VKORC1L1: variants seen among roughly 807,000 people sequenced by gnomAD.
The protein encoded by VKORC1L1 is vitamin K epoxide reductase complex subunit 1-like protein 1.
In VKORC1L1, 2 loss-of-function variants were observed where a neutral mutation model predicts 18.9. That is an observed-to-expected ratio of 0.11 (90% CI 0.04 to 0.33). The LOEUF (loss-of-function observed/expected upper bound fraction) is 0.33, where lower values mean the gene tolerates loss of function less well. VKORC1L1 is among the 10% of genes least tolerant of loss of function. The pLI is 1.00. For missense variants in VKORC1L1, 123 were observed against 224.1 expected (o/e 0.55, Z 2.88); for synonymous variants, 96 against 100.0 (o/e 0.96, Z 0.24).
rs1196079484 is a variant in VKORC1L1 at position 65,873,483 on chromosome 7, C to A, written c.112C>A (p.Arg38=). 6 of 1,595,934 alleles carry A rather than the reference C, an allele frequency of 3.8e-6. No homozygotes were observed. The highest frequency in any genetic ancestry group is 1.7e-5 in the Admixed American group (1 of 59,130). ...LLSIYAYHVE[R]EKERDPEHRA... Reference sequence around the variant, plus strand: ...CTCCATCTACGCCTACCACGTGGAGCGGGAGAAGGAGCGGGACCCCGAGCA... The same window carrying A: ...CTCCATCTACGCCTACCACGTGGAGAGGGAGAAGGAGCGGGACCCCGAGCA... Residue 38 remains arginine, a synonymous_variant, in exon 1 of 3, where the codon CGG becomes AGG. Coordinates refer to ENST00000360768, the MANE Select transcript of VKORC1L1 (RefSeq NM_173517.6).
chr7:65,892,960 T>G (rs1444823552), intron 1 of VKORC1L1, among the ~76,000 whole-genome samples: 10 of 152,204 alleles, frequency 6.6e-5, no homozygotes, highest in Admixed American at 1.3e-4. Flanking sequence ...AACACTTGGT[T>G]GTTTTTTGCC....
At chr7:65,884,987 T>G (rs1267411829) in intron 1 of VKORC1L1, among the ~76,000 whole-genome samples, 1 of 152,194 alleles carries the variant, frequency 6.6e-6, no homozygotes, top group Non-Finnish European at 1.5e-5. Context: ...TTTTTTCAAG[T>G]CTATGATAAT....
intron 1 of VKORC1L1, among the ~76,000 whole-genome samples, chr7:65,911,936 T>C (rs968945624): frequency 6.6e-6 from 1 of 152,156 alleles, no homozygotes; most frequent in Non-Finnish European, 1.5e-5. Context: ...CTGCATCTTT[T>C]TAAAGGATTT....
At chr7:65,916,461 G>A (rs1408643191) in intron 1 of VKORC1L1, among the ~76,000 whole-genome samples, 1 of 152,010 alleles carries the variant, frequency 6.6e-6, no homozygotes, top group Non-Finnish European at 1.5e-5. Flanking sequence ...GGTTCATCTT[G>A]TGCATTTCCT....
chr7:65,907,931 A>G (rs1789432625), intron 1 of VKORC1L1, among the ~76,000 whole-genome samples: 1 of 151,974 alleles, frequency 6.6e-6, no homozygotes, highest in Non-Finnish European at 1.5e-5. Flanking sequence ...TGGAGCGAAC[A>G]CTGGATTAAG....
chr7:65,896,948 G>A (rs555938792), intron 1 of VKORC1L1, among the ~76,000 whole-genome samples: 2 of 152,234 alleles, frequency 1.3e-5, no homozygotes, highest in African/African-American at 2.4e-5. Flanking sequence ...GCAGTGAGCC[G>A]AGATCGCACC....
chr7:65,868,168 G>T (rs1339848061), upstream of VKORC1L1, among the ~76,000 whole-genome samples: 1 of 152,022 alleles, frequency 6.6e-6, no homozygotes, highest in East Asian at 1.9e-4. Context: ...TAAAAAGTCA[G>T]AAAACAGTCA....
chr7:65,903,439 A>G (rs1562989689), intron 1 of VKORC1L1, among the ~76,000 whole-genome samples: 1 of 152,150 alleles, frequency 6.6e-6, no homozygotes, highest in Non-Finnish European at 1.5e-5. Context: ...TGCTGGGATT[A>G]CAGGTATGAG....
chr7:65,935,334 G>A (rs1380717918), intron 1 of VKORC1L1, among the ~76,000 whole-genome samples: 2 of 150,572 alleles, frequency 1.3e-5, no homozygotes, highest in Non-Finnish European at 1.5e-5. Context: ...TTTTTGAGAT[G>A]GAGGCTTGGT....
In VKORC1L1 at chr7:65,955,739, G is replaced by A. The variant is rs1790285720; in HGVS notation, c.*1439G>A. The A allele has an allele frequency of 6.6e-6, 1 of 152,220 alleles. No individual in the cohort carries two copies. The highest frequency in any genetic ancestry group is 6.5e-5 in the Admixed American group (1 of 15,288). 9.4% of individuals were successfully genotyped at this position (152,220 alleles called of 1,614,324 possible). On this transcript the variant is annotated 3_prime_UTR_variant, in exon 3 of 3. Coordinates refer to ENST00000360768, the MANE Select transcript of VKORC1L1 (RefSeq NM_173517.6). ...AACCTGCACTCTGCAGAAGGGTCCTGTGTGATCACTTAATCCTCTGGTTGA... is the reference window on the plus strand; with the variant it reads ...AACCTGCACTCTGCAGAAGGGTCCTATGTGATCACTTAATCCTCTGGTTGA...
In VKORC1L1 at chr7:65,928,282, G is replaced by T. The variant is rs554275866; in HGVS notation, c.195-20389G>T. Among the ~76,000 whole-genome samples, 506 of 142,646 alleles carry T rather than the reference G, an allele frequency of 3.5e-3. 1 individual carries two copies. The highest frequency in any genetic ancestry group is 5.2e-3 in the Non-Finnish European group (344 of 65,896). 93.6% of individuals were successfully genotyped at this position (142,646 alleles called of 152,430 possible). ...TTTTTTTTTTTTTTTTTTCAGATGGGGTCTCACTGTGATACCCAGGCTGGT... is the reference window on the plus strand; with the variant it reads ...TTTTTTTTTTTTTTTTTTCAGATGGTGTCTCACTGTGATACCCAGGCTGGT... On this transcript the variant is annotated intron_variant, in intron 1 of 2. Coordinates refer to ENST00000360768, the MANE Select transcript of VKORC1L1 (RefSeq NM_173517.6).
upstream of VKORC1L1, among the ~76,000 whole-genome samples, chr7:65,872,885 T>C (rs1788743793): frequency 1.3e-5 from 2 of 151,974 alleles, no homozygotes; most frequent in African/African-American, 4.8e-5. Flanking sequence ...CACAGTGGCA[T>C]CCTTGCAATG....
At chr7:65,929,705 G>GATATATATATATATATATATATA (rs1789828279) in intron 1 of VKORC1L1, among the ~76,000 whole-genome samples, 2 of 70,178 alleles carry the variant, frequency 2.8e-5, no homozygotes, top group East Asian at 5.3e-4. Context: ...TATATATATG[G>GATATATATATATATATATATATA]TTTTTTTTAA....
intron 2 of VKORC1L1, among the ~76,000 whole-genome samples, chr7:65,952,808 A>G (rs1419952131): frequency 8.8e-6 from 1 of 113,906 alleles, no homozygotes; most frequent in Non-Finnish European, 1.7e-5. Context: ...TTTTTGAGAC[A>G]GAGTTAAGAC....
intron 1 of VKORC1L1, among the ~76,000 whole-genome samples, chr7:65,886,591 G>A (rs1216866884): frequency 2.0e-5 from 3 of 152,028 alleles, no homozygotes; most frequent in Non-Finnish European, 2.9e-5. Context: ...AGGCTGGAGT[G>A]CAGTGGTGCA....
At chr7:65,944,657 C>G (rs1412669462) in intron 1 of VKORC1L1, among the ~76,000 whole-genome samples, 2 of 151,748 alleles carry the variant, frequency 1.3e-5, no homozygotes, top group African/African-American at 4.8e-5. Flanking sequence ...TAACTCACAC[C>G]TGTAATCCCA....
intron 1 of VKORC1L1, among the ~76,000 whole-genome samples, chr7:65,935,946 A>G (rs1789935371): frequency 6.6e-6 from 1 of 151,968 alleles, no homozygotes; most frequent in South Asian, 2.1e-4. Context: ...TCAGATTGAT[A>G]TTTAAGATTG....
intron 1 of VKORC1L1, among the ~76,000 whole-genome samples, 193 bp downstream of exon 1, chr7:65,873,758 AGGCCGCGGGGCGGAGGTGGCGG>A (rs990683470): frequency 4.7e-5 from 7 of 149,220 alleles, no homozygotes; most frequent in Non-Finnish European, 7.4e-5. Context: ...GCCTGAGCCC[AGGCCGCGGGGCGGAGGTGGCGG>A]GGCCGCGAGG....
intron 1 of VKORC1L1, among the ~76,000 whole-genome samples, chr7:65,930,297 A>T (rs1789837557): frequency 6.6e-6 from 1 of 152,214 alleles, no homozygotes; most frequent in South Asian, 2.1e-4. Flanking sequence ...GGGATTCTTA[A>T]AGAGGAGTGT....
Sources: allele counts gnomAD v4.1 joint callset (sites outside exome capture counted in the v4.1 genomes callset), GRCh38; gene constraint gnomAD v4.1.1; transcripts MANE v1.5; gene names NCBI Gene and HGNC (gene_info 2026-07-23, HGNC 2026-07-21).